Variants in PCDH7 observed in about 807,000 individuals in gnomAD.
PCDH7 encodes the protein protocadherin-7.
Under a neutral mutation model 58.9 loss-of-function variants are expected in PCDH7, and 17 were observed. The ratio of observed to expected loss-of-function variants is 0.29; its 90% CI spans 0.20 to 0.43. PCDH7 has a LOEUF of 0.43. PCDH7 is among the 20% of genes least tolerant of loss of function. The probability of loss-of-function intolerance (pLI) is 1.00; values close to 1 mark genes in which losing one functional copy is unlikely to be tolerated. For synonymous variants in PCDH7, 664 were observed against 616.4 expected, an observed-to-expected ratio of 1.08 and a Z score of -1.14; for missense variants, 1,274 against 1,441.0, an observed-to-expected ratio of 0.88 and a Z score of 1.88.
chr4:30,802,777 C>A (rs1178384522), intron 1 of PCDH7, among the ~76,000 whole-genome samples: 2 of 152,046 alleles, frequency 1.3e-5, no homozygotes, highest in Admixed American at 1.3e-4. Context: ...AATGGGAAGA[C>A]CAGCCAAGTA....
intron 3 of PCDH7, among the ~76,000 whole-genome samples, chr4:31,052,502 A>C (rs1410034126): frequency 1.3e-5 from 2 of 152,192 alleles, no homozygotes; most frequent in Non-Finnish European, 2.9e-5. Flanking sequence ...TTCTGTAGTG[A>C]AAAGATTTAA....
intron 3 of PCDH7, among the ~76,000 whole-genome samples, chr4:31,046,827 A>T (rs147869030): frequency 6.6e-6 from 1 of 152,138 alleles, no homozygotes; most frequent in African/African-American, 2.4e-5. Flanking sequence ...TGCAAATACC[A>T]CTTAAAAGGA....
intron 3 of PCDH7, among the ~76,000 whole-genome samples, chr4:31,017,225 A>G (rs1321257893): frequency 6.6e-6 from 1 of 152,152 alleles, no homozygotes; most frequent in African/African-American, 2.4e-5. Flanking sequence ...TTTTAATTCT[A>G]TCTTTTGGAT....
intron 3 of PCDH7, among the ~76,000 whole-genome samples, chr4:31,032,898 T>C (rs553093667): frequency 2.6e-5 from 4 of 152,304 alleles, no homozygotes; most frequent in African/African-American, 7.2e-5. Flanking sequence ...GAATAAGGAA[T>C]AGATTTTGTG....
At chr4:31,083,256 TA>T (rs1711853779) in intron 3 of PCDH7, among the ~76,000 whole-genome samples, 1 of 152,094 alleles carries the variant, frequency 6.6e-6, no homozygotes, top group African/African-American at 2.4e-5. Context: ...GCTATTGAAA[TA>T]AAATTTTTTT....
chr4:30,722,296 G>T lies in PCDH7; in HGVS notation c.874G>T (p.Ala292Ser). ...CGGCGACCCGCCTCGCTCCTCGCAG[G>T]CCATCCTACGGGTCCTCATCACCGA... Residue 292 changes from alanine (A) to serine (S), a missense_variant, in exon 1 of 2, where the codon GCC (alanine) becomes TCC (serine). Around this residue, in one of 3 missense-constraint regions of PCDH7, gnomAD observed 331 missense variants for 303.2 expected, o/e 1.09. Transcript: ENST00000361762. This position sits in a 1 kb window ranked among gnomAD's most constrained non-coding sequence, Gnocchi z 7.6. The T allele has an allele frequency of 6.2e-7, 1 of 1,606,404 alleles. No homozygotes were observed. The highest frequency in any genetic ancestry group is 8.5e-7 in the Non-Finnish European group (1 of 1,177,474).
intron 3 of PCDH7, among the ~76,000 whole-genome samples, chr4:31,014,452 T>C (rs1441487278): frequency 6.6e-6 from 1 of 152,058 alleles, no homozygotes; most frequent in Non-Finnish European, 1.5e-5. Context: ...AAGACAGGAA[T>C]GTACAAGATG....
At chr4:30,758,279 G>A (rs1719570568) in intron 1 of PCDH7, among the ~76,000 whole-genome samples, 1 of 152,162 alleles carries the variant, frequency 6.6e-6, no homozygotes, top group African/African-American at 2.4e-5. Context: ...GCCTGGTCCT[G>A]GAGACCAGCA....
intron 3 of PCDH7, among the ~76,000 whole-genome samples, chr4:31,003,822 G>A (rs1361438340): frequency 1.3e-5 from 2 of 151,906 alleles, no homozygotes; most frequent in Admixed American, 1.3e-4. Flanking sequence ...GCAGGAGAAC[G>A]GCATGAACCC....
chr4:30,859,077 T>C (rs1322235247), intron 1 of PCDH7, among the ~76,000 whole-genome samples: 1 of 152,196 alleles, frequency 6.6e-6, no homozygotes, highest in Non-Finnish European at 1.5e-5. Flanking sequence ...TTTTTCTCCC[T>C]TCTCTCTTTG....
At chr4:30,731,216 T>G in exon 2 of PCDH7, 9 of 861,194 alleles carry the variant, frequency 1.0e-5, no homozygotes, top group Non-Finnish European at 1.3e-5. Flanking sequence ...AATTGATCAA[T>G]ATTTTTAAGT....
In PCDH7 at chr4:30,921,678, A is replaced by T. The variant is rs2109416334; in HGVS notation, c.287+1309A>T. Among the ~76,000 whole-genome samples, 2 of 152,108 alleles carry T rather than the reference A, an allele frequency of 1.3e-5. 1 individual carries two copies. The highest frequency in any genetic ancestry group is 3.9e-4 in the East Asian group (2 of 5,174). The stretch of plus-strand genomic sequence containing the variant: ...TATAAAAGCATGCTTATCTGTGTGT[A>T]TGGTGGTGTGTGCTTATGTGGATGG... On this transcript the variant is annotated intron_variant, in intron 2 of 3. Coordinates refer to the PCDH7 transcript ENST00000509759.
At chr4:31,064,863 A>G (rs1285128723) in intron 3 of PCDH7, among the ~76,000 whole-genome samples, 1 of 152,002 alleles carries the variant, frequency 6.6e-6, no homozygotes, top group Non-Finnish European at 1.5e-5. Context: ...TTCATAACAC[A>G]CACACACACT....
intron 1 of PCDH7, among the ~76,000 whole-genome samples, chr4:30,857,173 A>T (rs1231511431): frequency 6.6e-6 from 1 of 152,068 alleles, no homozygotes; most frequent in African/African-American, 2.4e-5. Context: ...TTTTACAGTG[A>T]CTTCTCTTCT....
intron 3 of PCDH7, among the ~76,000 whole-genome samples, chr4:31,134,613 A>G (rs758445700): frequency 6.6e-6 from 1 of 152,216 alleles, no homozygotes; most frequent in Non-Finnish European, 1.5e-5. Flanking sequence ...CTATTTCCTC[A>G]AAACAAACAA....
At chr4:31,128,771 A>T (rs1718620778) in intron 3 of PCDH7, among the ~76,000 whole-genome samples, 2 of 152,156 alleles carry the variant, frequency 1.3e-5, no homozygotes, top group South Asian at 2.1e-4. Context: ...GGGTTTGAAG[A>T]CTGCATTTTG....
At chr4:30,837,288 C>T (rs1200237577) in intron 1 of PCDH7, among the ~76,000 whole-genome samples, 1 of 151,920 alleles carries the variant, frequency 6.6e-6, no homozygotes, top group Non-Finnish European at 1.5e-5. Flanking sequence ...AACGTTCTAT[C>T]CAGGGCCCTG....
intron 2 of PCDH7, among the ~76,000 whole-genome samples, chr4:30,924,695 A>T (rs1743615065): frequency 6.6e-6 from 1 of 152,048 alleles, no homozygotes; most frequent in African/African-American, 2.4e-5. Flanking sequence ...CCATCTGTAG[A>T]TCTGATCAAG....
intron 1 of PCDH7, among the ~76,000 whole-genome samples, chr4:30,775,532 T>C (rs1191559349): frequency 6.6e-6 from 1 of 152,176 alleles, no homozygotes; most frequent in African/African-American, 2.4e-5. Context: ...ACAAATTTTG[T>C]TTCCTTTCAT....
Sources: gnomAD v4.1 joint callset for allele counts (sites outside exome capture counted in the v4.1 genomes callset) on GRCh38, gnomAD v4.1.1 for gene constraint, gnomAD v4.1.1 regional missense constraint, Gnocchi (gnomAD v3.1) non-coding constraint, MANE v1.5 for transcripts, NCBI Gene and HGNC (gene_info 2026-07-23, HGNC 2026-07-21) for gene names.